The following ATG4B variants were observed in gnomAD, a reference collection of about 807,000 sequenced individuals.
ATG4B encodes the protein cysteine protease ATG4B.
ATG4B carries 29 observed loss-of-function variants against 56.6 expected under a neutral mutation model. The ratio of observed to expected loss-of-function variants is 0.51; its 90% CI spans 0.38 to 0.70. ATG4B has a LOEUF of 0.70. ATG4B is among the 30% of genes least tolerant of loss of function. The pLI is 0.00. For synonymous variants in ATG4B, 224 were observed against 206.1 expected (o/e 1.09, Z -0.74); for missense variants, 461 against 515.5 (o/e 0.89, Z 1.02).
chr2:241,645,458 C>G (rs989470560), intron 1 of ATG4B, among the ~76,000 whole-genome samples: 1 of 152,208 alleles, frequency 6.6e-6, no homozygotes, highest in South Asian at 2.1e-4. Flanking sequence ...AGAATACCTC[C>G]CATCCATGCC....
Position 241,668,116 on chromosome 2 carries a change from T to C in ATG4B, c.733-27T>C, listed in dbSNP as rs2068837223. 1 of 1,568,166 alleles carries C rather than the reference T, an allele frequency of 6.4e-7. No individual in the cohort carries two copies. Among genetic ancestry groups the C allele is most frequent in the Non-Finnish European group, 8.6e-7 (1 of 1,157,040 alleles). ...GGACCGTCTGCTCCCACCTGGGACC[T>C]GTGCTCAGTCCCCCGCCCCTCCACA... On this transcript the variant is annotated intron_variant, in intron 8 of 12. Transcript: ENST00000404914. The surrounding 1 kb of genome is among the most constrained non-coding windows in gnomAD (Gnocchi z 4.2).
At chr2:241,639,454 T>A (rs2067816803) in intron 1 of ATG4B, among the ~76,000 whole-genome samples, 1 of 152,178 alleles carries the variant, frequency 6.6e-6, no homozygotes, top group Non-Finnish European at 1.5e-5. Context: ...GGTGTCACAG[T>A]GGGTGGCTGC....
chr2:241,657,178 T>C (rs1402335301), intron 6 of ATG4B, among the ~76,000 whole-genome samples: 1 of 146,576 alleles, frequency 6.8e-6, no homozygotes, highest in Non-Finnish European at 1.5e-5. Context: ...GGTTTCACCA[T>C]GTTGGCCAGG....
At chr2:241,639,597 A>G (rs1559244379) in intron 1 of ATG4B, among the ~76,000 whole-genome samples, 1 of 152,170 alleles carries the variant, frequency 6.6e-6, no homozygotes, top group African/African-American at 2.4e-5. Context: ...AAGGGTGAGG[A>G]GGGTGGAGAA....
intron 1 of ATG4B, among the ~76,000 whole-genome samples, chr2:241,643,700 C>T (rs1027832580): frequency 2.3e-5 from 3 of 130,848 alleles, no homozygotes; most frequent in Admixed American, 2.2e-4. Context: ...ATTTTCCCCC[C>T]CCCCCGTCGT....
chr2:241,670,402 C>A (rs891677247), intron 10 of ATG4B, among the ~76,000 whole-genome samples: 9 of 152,130 alleles, frequency 5.9e-5, no homozygotes, highest in Admixed American at 3.3e-4. Flanking sequence ...AAGAGCTCCC[C>A]ACTTGGCCCT....
chr2:241,659,607 G>C (rs1158132880), intron 7 of ATG4B: 1 of 333,562 alleles, frequency 3.0e-6, no homozygotes, highest in Non-Finnish European at 5.9e-6. Context: ...GCTCTTTTCA[G>C]CTTTCTGGAA....
intron 1 of ATG4B, among the ~76,000 whole-genome samples, chr2:241,640,879 G>A (rs1258520214): frequency 6.6e-6 from 1 of 152,134 alleles, no homozygotes; most frequent in African/African-American, 2.4e-5. Context: ...AGGACTCGGT[G>A]TTTATTCTGA....
chr2:241,661,344 G>C (rs1399091354), intron 7 of ATG4B, among the ~76,000 whole-genome samples: 1 of 152,220 alleles, frequency 6.6e-6, no homozygotes, highest in African/African-American at 2.4e-5. Context: ...GGGTTTCTGG[G>C]TTCCTGAGTG....
chr2:241,672,344 C>A lies in ATG4B; in HGVS notation c.*80C>A. 2.3e-6 allele frequency: 3 copies of A among 1,326,014 alleles called. No individual in the cohort carries two copies. Among genetic ancestry groups the A allele is most frequent in the South Asian group, 2.5e-5 (2 of 78,494 alleles). 82.1% of individuals were successfully genotyped at this position (1,326,014 alleles called of 1,614,324 possible). A position where few individuals can be genotyped will look rare whatever the true frequency, so the allele number is the denominator to read the frequency against. ...GCGTTTCATCCATCCCGCCCGCTCG[C>A]CTGCCGAGGGCTGCGCCCCGTGCTG... On this transcript the variant is annotated 3_prime_UTR_variant, in exon 13 of 13. Transcript: ENST00000404914.
In ATG4B at chr2:241,650,619, A is replaced by G. The variant is rs143989036; in HGVS notation, c.11-391A>G. ...TTTTTGTCCTTTACTTTTTAAGTCT[A>G]AAGTAAGTGCTTGAATCGGGTGGGT... On this transcript the variant is annotated intron_variant, in intron 1 of 12. Coordinates refer to ENST00000404914, the MANE Select transcript of ATG4B (RefSeq NM_013325.5). 2.4e-4 allele frequency among the ~76,000 whole-genome samples: 36 copies of G among 152,226 alleles called. No individual in the cohort carries two copies. In the East Asian group the frequency reaches 6.7e-3, roughly 29 times the overall value.
chr2:241,668,849 C>T lies in ATG4B; in HGVS notation c.957+164C>T, dbSNP rs1433500131. 4.8e-6 allele frequency: 5 copies of T among 1,033,138 alleles called. No individual in the cohort carries two copies. Among genetic ancestry groups the T allele is most frequent in the Non-Finnish European group, 6.9e-6 (5 of 722,548 alleles). The allele number at this position is 1,033,138 out of a possible 1,614,324, so 64.0% of individuals were successfully genotyped here. ...AGGGTATAAGAGCCGGAACTGTGTCCTTGCACCCTCACGTCCCTCCCCCAG... is the reference window on the plus strand; with the variant it reads ...AGGGTATAAGAGCCGGAACTGTGTCTTTGCACCCTCACGTCCCTCCCCCAG... On this transcript the variant is annotated intron_variant, in intron 10 of 12. Coordinates refer to ENST00000404914, the MANE Select transcript of ATG4B (RefSeq NM_013325.5). This position sits in a 1 kb window ranked among gnomAD's most constrained non-coding sequence, Gnocchi z 4.2.
rs1047540158 is a variant in ATG4B at position 241,654,478 on chromosome 2, T to C, written c.284-68T>C. The C allele has an allele frequency of 1.6e-5, 17 of 1,090,752 alleles. No individual in the cohort carries two copies. In the East Asian group the frequency reaches 3.6e-4, roughly 23 times the overall value. The allele number at this position is 1,090,752 out of a possible 1,614,324, so 67.6% of individuals were successfully genotyped here. ...AAGGTTTGGATGCCATCTGTATCTT[T>C]AGTGTGAAAGTGAAAACTTGTTTCT... is the stretch of plus-strand genomic sequence containing the variant. On this transcript the variant is annotated intron_variant, in intron 4 of 12. Transcript: ENST00000404914.
intron 10 of ATG4B, among the ~76,000 whole-genome samples, chr2:241,669,801 G>A (rs74270780): frequency 0.2 from 29,828 of 152,134 alleles, 3,277 homozygotes; most frequent in East Asian, 0.28. Context: ...GCCACTGCGC[G>A]CAGCCTGGCG....
rs2067712798 is a variant in ATG4B, at chr2:241,637,742, G to T, written c.10+18G>T. ...GGACGCAGGTGAGGAGTTGCCGGGG[G>T]TCGGTCTTTCCGCAGGAGGTGCTCG... On this transcript the variant is annotated intron_variant, in intron 1 of 12. Coordinates refer to ENST00000404914, the MANE Select transcript of ATG4B (RefSeq NM_013325.5). 1 of 1,572,522 alleles carries T rather than the reference G, an allele frequency of 6.4e-7. No individual in the cohort carries two copies. The highest frequency in any genetic ancestry group is 1.4e-5 in the African/African-American group (1 of 70,532).
In ATG4B at chr2:241,671,384, G is replaced by A. The variant is rs201711036; in HGVS notation, c.1087G>A (p.Asp363Asn). 30 of 1,613,538 alleles carry A rather than the reference G, an allele frequency of 1.9e-5. No homozygotes were observed. The highest frequency in any genetic ancestry group is 1.6e-4 in the Middle Eastern group (1 of 6,084). ...GCAGCCTTCACATCTGGCCTGCCCC[G>A]ACGTCCTGAACCTGTCCCTAGGTGA... ...ELQPSHLACP[D>N]VLNLSLDSSD... The change falls in exon 12 of 13, where the codon GAC becomes AAC. Residue 363 changes from aspartate (D) to asparagine (N), a missense_variant. By Grantham distance (23) the Asp-to-Asn change is conservative. Coordinates refer to ENST00000404914, the MANE Select transcript of ATG4B (RefSeq NM_013325.5).
Position 241,654,588 on chromosome 2 carries a change from T to TAA in ATG4B, c.326_327insAA (p.Phe109LeufsTer21). On this transcript the variant is annotated frameshift_variant, in exon 5 of 13. Coordinates refer to ENST00000404914, the MANE Select transcript of ATG4B (RefSeq NM_013325.5). LOFTEE classifies it high-confidence loss of function. ...AGGAAGAGGCAGCCAGACAGCTACT[T>TAA]CAGCGTCCTCAACGCATTCATCGAC... 1 of 1,603,000 alleles carries TAA rather than the reference T, an allele frequency of 6.2e-7. No homozygotes were observed. The highest frequency in any genetic ancestry group is 8.5e-7 in the Non-Finnish European group (1 of 1,174,772).
intron 12 of ATG4B, 154 bp from the exon 13 acceptor site, chr2:241,672,037 G>A: frequency 7.0e-7 from 1 of 1,433,752 alleles, no homozygotes; most frequent in Non-Finnish European, 9.1e-7. Flanking sequence ...TCGCAGGTCT[G>A]CACAACCCCC....
intron 7 of ATG4B, 114 bp from the exon 8 acceptor site, chr2:241,666,531 G>A (rs2125143696): frequency 7.3e-6 from 8 of 1,101,194 alleles, no homozygotes; most frequent in South Asian, 1.4e-5. Flanking sequence ...TTCACTGTAA[G>A]CACCTGGCTT....
Sources: allele counts gnomAD v4.1 joint callset (sites outside exome capture counted in the v4.1 genomes callset), GRCh38; gene constraint gnomAD v4.1.1; non-coding constraint Gnocchi (gnomAD v3.1); transcripts MANE v1.5; gene names NCBI Gene and HGNC (gene_info 2026-07-23, HGNC 2026-07-21).